Variants in CACNA2D3 observed in about 807,000 individuals in gnomAD.
CACNA2D3 encodes the protein voltage-dependent calcium channel subunit alpha-2/delta-3.
CACNA2D3 carries 60 observed loss-of-function variants against 160.6 expected under a neutral mutation model. The ratio of observed to expected loss-of-function variants is 0.37; its 90% confidence interval spans 0.30 to 0.46. The LOEUF (loss-of-function observed/expected upper bound fraction) is 0.46. CACNA2D3 is among the 20% of genes least tolerant of loss of function. The pLI, the probability that CACNA2D3 is intolerant of heterozygous loss-of-function variation, is 1.00. For missense variants in CACNA2D3, 1,205 were observed against 1,365.0 expected (o/e 0.88, Z 1.85); for synonymous variants, 558 against 492.9 (o/e 1.13, Z -1.75).
intron 11 of CACNA2D3, among the ~76,000 whole-genome samples, chr3:54,678,429 A>G (rs75502682): frequency 0.023 from 3,440 of 152,264 alleles, 51 homozygotes; most frequent in Middle Eastern, 0.041. Context: ...CACAATAAAA[A>G]AGTAGATGAC....
At chr3:54,829,885 C>CT (rs58291013) in intron 14 of CACNA2D3, among the ~76,000 whole-genome samples, 6,321 of 64,260 alleles carry the variant, frequency 0.098, 1,509 homozygotes, top group African/African-American at 0.15. Flanking sequence ...TCTTCTTCAT[C>CT]TTTTTTTTTT....
chr3:54,989,072 C>T (rs1702681187), intron 31 of CACNA2D3, among the ~76,000 whole-genome samples: 1 of 152,204 alleles, frequency 6.6e-6, no homozygotes, highest in African/African-American at 2.4e-5. Context: ...TCCTGGCCTG[C>T]CATCCACGGC....
chr3:54,833,514 AC>A (rs958883646), intron 14 of CACNA2D3, among the ~76,000 whole-genome samples: 2 of 150,910 alleles, frequency 1.3e-5, no homozygotes, highest in Non-Finnish European at 2.9e-5. Context: ...AAAAGCAGGG[AC>A]CCCCCTAGCA....
intron 9 of CACNA2D3, among the ~76,000 whole-genome samples, chr3:54,617,261 C>T (rs1299289558): frequency 1.3e-5 from 2 of 152,184 alleles, no homozygotes; most frequent in African/African-American, 4.8e-5. Flanking sequence ...GGCTGTACCT[C>T]TTCTGAGAAG....
intron 31 of CACNA2D3, 38 bp downstream of exon 31, chr3:54,987,791 T>G (rs1417855082): frequency 1.4e-6 from 2 of 1,479,060 alleles, no homozygotes; most frequent in Admixed American, 2.2e-5. Context: ...CCCCCAAAAG[T>G]TTTCCTAAAT....
chr3:54,295,209 T>G (rs1703313190), intron 2 of CACNA2D3, among the ~76,000 whole-genome samples: 1 of 152,046 alleles, frequency 6.6e-6, no homozygotes, highest in Non-Finnish European at 1.5e-5. Context: ...TGGTGAGGTG[T>G]GCTTTTTGAG....
At chr3:54,464,780 A>G (rs1299151095) in intron 4 of CACNA2D3, among the ~76,000 whole-genome samples, 2 of 152,150 alleles carry the variant, frequency 1.3e-5, no homozygotes, top group African/African-American at 2.4e-5. Context: ...CGCTGCACGC[A>G]CTGTCCTGCG....
Position 54,822,771 on chromosome 3 carries a change from TTTC to T in CACNA2D3, c.1398+5904_1398+5906del, listed in dbSNP as rs1559595488. On this transcript the variant is annotated intron_variant, in intron 14 of 37. Coordinates refer to ENST00000474759, the MANE Select transcript of CACNA2D3 (RefSeq NM_018398.3). ...CTTTCTTTCTTTCTTTCTTTCTTTC[TTTC>T]TTTCTTTCTTTCTTTCCTTTCTTTC... is the stretch of plus-strand genomic sequence containing the variant. Among the ~76,000 whole-genome samples the T allele has an allele frequency of 9.5e-4, 89 of 93,378 alleles. 1 individual carries two copies. Among genetic ancestry groups the T allele is most frequent in the Middle Eastern group, 0.01 (2 of 200 alleles). 61.3% of individuals were successfully genotyped at this position (93,378 alleles called of 152,430 possible).
chr3:54,314,538 TCCCTTTTTAC>T (rs1350192893), intron 2 of CACNA2D3, among the ~76,000 whole-genome samples: 2 of 152,202 alleles, frequency 1.3e-5, no homozygotes, highest in Non-Finnish European at 2.9e-5. Flanking sequence ...GTAGAAGTGT[TCCCTTTTTAC>T]CACATCCACA....
intron 13 of CACNA2D3, among the ~76,000 whole-genome samples, chr3:54,781,149 A>G: frequency 6.6e-6 from 1 of 152,240 alleles, no homozygotes; most frequent in East Asian, 1.9e-4. Flanking sequence ...GAGTGCAAAC[A>G]GGAACAAACT....
At chr3:54,225,762 C>G (rs1016184094) in intron 2 of CACNA2D3, among the ~76,000 whole-genome samples, 1 of 150,962 alleles carries the variant, frequency 6.6e-6, no homozygotes, top group African/African-American at 2.4e-5. Context: ...CACTGGGGTT[C>G]TGTTTCTATT....
At chr3:54,210,250 C>T (rs1357081783) in intron 2 of CACNA2D3, among the ~76,000 whole-genome samples, 1 of 152,130 alleles carries the variant, frequency 6.6e-6, no homozygotes, top group Non-Finnish European at 1.5e-5. Context: ...TCATGTCAAA[C>T]TAGGATGATG....
intron 2 of CACNA2D3, among the ~76,000 whole-genome samples, chr3:54,264,145 T>G (rs983504924): frequency 6.6e-6 from 1 of 152,180 alleles, no homozygotes; most frequent in African/African-American, 2.4e-5. Flanking sequence ...ATTAACATAA[T>G]CGGCTCTGGT....
At chr3:54,896,903 GTC>G in intron 26 of CACNA2D3, 33 bp downstream of exon 26, 1 of 1,613,546 alleles carries the variant, frequency 6.2e-7, no homozygotes, top group Non-Finnish European at 8.5e-7. Context: ...GGCTCTGTCT[GTC>G]TGGTCCAGTG....
chr3:54,647,143 C>T (rs1340976736), intron 11 of CACNA2D3, among the ~76,000 whole-genome samples: 1 of 152,188 alleles, frequency 6.6e-6, no homozygotes, highest in Admixed American at 6.5e-5. Context: ...CCAGTTAGCA[C>T]CTCGATTGTA....
chr3:54,926,851 G>A (rs1337331387), intron 27 of CACNA2D3, among the ~76,000 whole-genome samples: 1 of 151,802 alleles, frequency 6.6e-6, no homozygotes, highest in Non-Finnish European at 1.5e-5. Context: ...GGAACTGGGA[G>A]AGGGTCTCTG....
chr3:54,318,354 T>G (rs908197619), intron 2 of CACNA2D3, among the ~76,000 whole-genome samples: 1 of 152,142 alleles, frequency 6.6e-6, no homozygotes, highest in African/African-American at 2.4e-5. Flanking sequence ...CAAGAGAAAC[T>G]CATAAGATTT....
At chr3:54,440,825 T>G (rs1443878333) in intron 4 of CACNA2D3, among the ~76,000 whole-genome samples, 5 of 152,216 alleles carry the variant, frequency 3.3e-5, no homozygotes, top group Non-Finnish European at 7.3e-5. Flanking sequence ...CTCATCATTT[T>G]TTATGGCTGC....
At chr3:54,737,184 G>A (rs1003092692) in intron 11 of CACNA2D3, among the ~76,000 whole-genome samples, 3 of 10,010 alleles carry the variant, frequency 3.0e-4, no homozygotes, top group African/African-American at 2.9e-3. Context: ...ATGTGTATAT[G>A]TGTGTGTGTG....
Sources: allele counts gnomAD v4.1 joint callset (sites outside exome capture counted in the v4.1 genomes callset), GRCh38; gene constraint gnomAD v4.1.1; transcripts MANE v1.5; gene names NCBI Gene and HGNC (gene_info 2026-07-23, HGNC 2026-07-21).